The following CFAP44 variants were observed in gnomAD, a reference collection of about 807,000 sequenced individuals.
CFAP44 encodes the protein cilia- and flagella-associated protein 44.
CFAP44 carries 134 observed loss-of-function variants against 216.2 expected under a neutral mutation model. The observed-to-expected ratio is 0.62, with a 90% CI of 0.54 to 0.72. CFAP44 has a LOEUF of 0.72. Ranked by LOEUF, CFAP44 falls within the 30% of genes least tolerant of loss-of-function variation. The probability of loss-of-function intolerance (pLI) is 0.00; values close to 1 mark genes in which losing one functional copy is unlikely to be tolerated. For synonymous variants in CFAP44, 700 were observed against 727.6 expected (o/e 0.96, Z 0.61); for missense variants, 2,035 against 2,182.1 (o/e 0.93, Z 1.34).
chr3:113,368,045 G>A (rs1467124452), intron 18 of CFAP44, among the ~76,000 whole-genome samples: 1 of 152,120 alleles, frequency 6.6e-6, no homozygotes, highest in Admixed American at 6.6e-5. Context: ...AGAGAAAAAA[G>A]AGTAAAAAGA....
At chr3:113,440,902 A>C (rs1456587498) in intron 1 of CFAP44, among the ~76,000 whole-genome samples, 3 of 152,180 alleles carry the variant, frequency 2.0e-5, no homozygotes, top group Non-Finnish European at 4.4e-5. Flanking sequence ...GACTGGACAC[A>C]CTGAGCAGCA....
At chr3:113,332,942 A>G (rs1265369446) in intron 25 of CFAP44, among the ~76,000 whole-genome samples, 1 of 152,208 alleles carries the variant, frequency 6.6e-6, no homozygotes, top group East Asian at 1.9e-4. Flanking sequence ...AACTGGTACT[A>G]AAACATGGTA....
At chr3:113,423,848 G>C (rs1934888013) in intron 4 of CFAP44, among the ~76,000 whole-genome samples, 1 of 152,200 alleles carries the variant, frequency 6.6e-6, no homozygotes, top group African/African-American at 2.4e-5. Flanking sequence ...GCCACGTGCA[G>C]GAAGATTTAT....
At chr3:113,375,792 G>T (rs1317905191) in intron 17 of CFAP44, among the ~76,000 whole-genome samples, 1 of 152,010 alleles carries the variant, frequency 6.6e-6, no homozygotes, top group Non-Finnish European at 1.5e-5. Flanking sequence ...TTGCACTCCA[G>T]CCTGGGCAAC....
intron 6 of CFAP44, among the ~76,000 whole-genome samples, chr3:113,415,498 T>G (rs1273295107): frequency 6.6e-6 from 1 of 152,206 alleles, no homozygotes; most frequent in Non-Finnish European, 1.5e-5. Flanking sequence ...ATGTGGGTAT[T>G]TAGTGCTATA....
At chr3:113,338,502 A>T (rs1280133015) in intron 24 of CFAP44, among the ~76,000 whole-genome samples, 1 of 152,204 alleles carries the variant, frequency 6.6e-6, no homozygotes, top group Non-Finnish European at 1.5e-5. Flanking sequence ...GATGGCAAAT[A>T]AACCAATGAA....
In CFAP44 at chr3:113,287,613, G is replaced by T. The variant is rs1949781780; in HGVS notation, c.*3944C>A. The T allele has an allele frequency of 6.6e-6, 1 of 152,588 alleles. No individual in the cohort carries two copies. The highest frequency in any genetic ancestry group is 1.5e-5 in the Non-Finnish European group (1 of 68,350). The allele number at this position is 152,588 out of a possible 1,614,324, so 9.5% of individuals were successfully genotyped here. On this transcript the variant is annotated 3_prime_UTR_variant, in exon 35 of 35. Transcript: ENST00000393845. Reference sequence around the variant, plus strand: ...TCTCTTTTTTGTTTTTTAAAACAGTGAATGTCAGTTGTGCTTGGATTCATG... The same window carrying T: ...TCTCTTTTTTGTTTTTTAAAACAGTTAATGTCAGTTGTGCTTGGATTCATG...
chr3:113,418,753 TG>T (rs1934723890), intron 5 of CFAP44, among the ~76,000 whole-genome samples: 1 of 152,090 alleles, frequency 6.6e-6, no homozygotes, highest in South Asian at 2.1e-4. Flanking sequence ...TCGCCCAGGC[TG>T]AAGTGCAACG....
rs566161106 is a variant in CFAP44 at position 113,298,081 on chromosome 3, C to A, written c.5078-1196G>T. Among the ~76,000 whole-genome samples the A allele has an allele frequency of 5.3e-5, 8 of 152,332 alleles. No homozygotes were observed. The East Asian group carries it at 1.5e-3, about 29-fold the overall frequency. ...GTGTGTGCTGGCCTGTGGCTGCCTGCCTGGCCTCTCTCAGTAAAGAGCTTT... is the reference window on the plus strand; with the variant it reads ...GTGTGTGCTGGCCTGTGGCTGCCTGACTGGCCTCTCTCAGTAAAGAGCTTT... On this transcript the variant is annotated intron_variant, in intron 32 of 34. Coordinates refer to ENST00000393845, the MANE Select transcript of CFAP44 (RefSeq NM_001164496.2).
At chr3:113,303,824 A>C in intron 32 of CFAP44, 92 bp downstream of exon 32, 1 of 1,353,280 alleles carries the variant, frequency 7.4e-7, no homozygotes, top group Non-Finnish European at 1.0e-6. Context: ...TGAGTCTGCA[A>C]TTACTATTTT....
rs994904927 is a variant in CFAP44 at position 113,380,929 on chromosome 3, G to T, written c.2022C>A (p.Phe674Leu). Reference protein sequence around the residue: ...YEIKDMCIKCFHFSSVKSKIL... With the variant: ...YEIKDMCIKCLHFSSVKSKIL... The stretch of plus-strand genomic sequence containing the variant: ...TCTTAGATTTGACACTTGAAAAATG[G>T]AAACATTTTATGCACATGTCTTTGA... The change falls in exon 16 of 35, where the codon TTC (phenylalanine) becomes TTA (leucine). Residue 674 changes from phenylalanine to leucine, a missense_variant. By Grantham distance (22) the Phe-to-Leu change is conservative. This residue lies in a region of CFAP44 where 1,883 missense variants were observed against 2,023.7 expected (regional missense o/e 0.93). Transcript: ENST00000393845. 5 of 1,582,228 alleles carry T rather than the reference G, an allele frequency of 3.2e-6. No homozygotes were observed. Among genetic ancestry groups the T allele is most frequent in the Non-Finnish European group, 4.3e-6 (5 of 1,166,264 alleles).
At chr3:113,437,200 T>A (rs1032180893) in intron 1 of CFAP44, among the ~76,000 whole-genome samples, 2 of 152,200 alleles carry the variant, frequency 1.3e-5, no homozygotes, top group African/African-American at 4.8e-5. Context: ...GTTCACCTAG[T>A]GATTTGAATC....
chr3:113,318,607 C>T (rs1274142566), intron 28 of CFAP44, among the ~76,000 whole-genome samples: 2 of 151,972 alleles, frequency 1.3e-5, no homozygotes, highest in African/African-American at 4.8e-5. Flanking sequence ...AGATGACCAC[C>T]CCAAGGCACA....
At chr3:113,350,858 G>A (rs765608778) in intron 22 of CFAP44, among the ~76,000 whole-genome samples, 1 of 152,224 alleles carries the variant, frequency 6.6e-6, no homozygotes, top group South Asian at 2.1e-4. Context: ...TGTGGGGCTG[G>A]TTCTGTTGGA....
At position 113,395,845 on chromosome 3, in the gene CFAP44, C is replaced by G; in HGVS notation, c.1795G>C (p.Val599Leu). 1.2e-6 allele frequency: 2 copies of G among 1,613,120 alleles called. No homozygotes were observed. Among genetic ancestry groups the G allele is most frequent in the Non-Finnish European group, 1.7e-6 (2 of 1,179,490 alleles). ...ILATGSKDQTVFFFEVERDYK... is the reference protein window; with the variant it reads ...ILATGSKDQTLFFFEVERDYK... ...TCCCTTTCCACTTCAAAGAAGAAAA[C>G]AGTTTGATCTTTACTCTAAGGAAAA... Residue 599 changes from valine to leucine, a missense_variant, in exon 15 of 35, where the codon GTT (valine) becomes CTT (leucine). Physicochemically the swap from Val to Leu is conservative, Grantham distance 32 (BLOSUM62 1). This residue lies in a region of CFAP44 where 1,883 missense variants were observed against 2,023.7 expected (regional missense o/e 0.93). Coordinates refer to ENST00000393845, the MANE Select transcript of CFAP44 (RefSeq NM_001164496.2).
intron 15 of CFAP44, among the ~76,000 whole-genome samples, chr3:113,391,089 G>C (rs531567272): frequency 8.7e-4 from 132 of 151,998 alleles, no homozygotes; most frequent in Admixed American, 3.0e-3. Context: ...CTGACTTCAA[G>C]TTATACTACA....
At chr3:113,440,565 C>T (rs1311155968) in intron 1 of CFAP44, among the ~76,000 whole-genome samples, 3 of 152,180 alleles carry the variant, frequency 2.0e-5, no homozygotes, top group African/African-American at 7.2e-5. Flanking sequence ...CCTGCTGTCC[C>T]TCTGTAGTTC....
At chr3:113,310,293 C>G (rs1012295707) in intron 28 of CFAP44, among the ~76,000 whole-genome samples, 4 of 152,190 alleles carry the variant, frequency 2.6e-5, no homozygotes, top group Non-Finnish European at 4.4e-5. Context: ...AATAGAGAAT[C>G]AGGACTTTCA....
rs574814748 is a variant in CFAP44 at position 113,366,806 on chromosome 3, G to A, written c.2445-497C>T. Reference sequence around the variant, plus strand: ...GGGGTCAGGAGATTTTCCTTTCCTAGCCAAGGGAAACTGTGACAGACTGTA... The same window carrying A: ...GGGGTCAGGAGATTTTCCTTTCCTAACCAAGGGAAACTGTGACAGACTGTA... On this transcript the variant is annotated intron_variant, in intron 18 of 34. Coordinates refer to ENST00000393845, the MANE Select transcript of CFAP44 (RefSeq NM_001164496.2). 9.8e-5 allele frequency among the ~76,000 whole-genome samples: 15 copies of A among 152,342 alleles called. No homozygotes were observed. The South Asian group carries it at 2.7e-3, about 27-fold the overall frequency.
Sources: allele counts gnomAD v4.1 joint callset (sites outside exome capture counted in the v4.1 genomes callset), GRCh38; gene constraint gnomAD v4.1.1; regional missense constraint gnomAD v4.1.1; transcripts MANE v1.5; gene names NCBI Gene and HGNC (gene_info 2026-07-23, HGNC 2026-07-21).